FAM118B: variants seen among roughly 807,000 people sequenced by gnomAD.
FAM118B encodes the protein SIR2 antiphage like 1.
A neutral mutation model predicts 38.5 loss-of-function variants in FAM118B; 24 were observed. The observed-to-expected ratio is 0.62, with a 90% confidence interval of 0.45 to 0.88. The LOEUF (loss-of-function observed/expected upper bound fraction) is 0.88. FAM118B is among the 40% of genes least tolerant of loss of function. The pLI, the probability that FAM118B is intolerant of heterozygous loss-of-function variation, is 0.00. For missense variants in FAM118B, 334 were observed against 420.0 expected (o/e 0.80, Z 1.79); for synonymous variants, 138 against 156.3 (o/e 0.88, Z 0.87).
rs936852748 is a variant in FAM118B at position 126,217,139 on chromosome 11, G to T, written c.-77+5309G>T. On this transcript the variant is annotated intron_variant, in intron 1 of 8. Transcript: ENST00000533050. The stretch of plus-strand genomic sequence containing the variant: ...GGGAGCATGCCAACTCCACACAAAC[G>T]GGTAGCCTCAGCCAGGAATCACTTA... 2.0e-5 allele frequency among the ~76,000 whole-genome samples: 3 copies of T among 152,336 alleles called. No individual in the cohort carries two copies. The South Asian group carries it at 6.2e-4, about 32-fold the overall frequency.
chr11:126,262,557 TA>T lies in FAM118B; in HGVS notation c.*428del, dbSNP rs1950723358. ...TTTCAATTAAGCTTAATGGCTTTTT[TA>T]AAACATGACTTGAAGCTCTAGTTTT... On this transcript the variant is annotated 3_prime_UTR_variant, in exon 9 of 9. Coordinates refer to ENST00000533050, the MANE Select transcript of FAM118B (RefSeq NM_024556.4). The T allele has an allele frequency of 5.6e-6, 1 of 177,028 alleles. No homozygotes were observed. The highest frequency in any genetic ancestry group is 1.2e-5 in the Non-Finnish European group (1 of 84,732). 11.0% of individuals were successfully genotyped at this position (177,028 alleles called of 1,614,324 possible).
rs111707058 is a variant in FAM118B, at chr11:126,216,120, A to T, written c.-77+4290A>T. 3.1e-3 allele frequency among the ~76,000 whole-genome samples: 475 copies of T among 152,334 alleles called. 2 individuals are homozygous for T. The highest frequency in any genetic ancestry group is 0.011 in the African/African-American group (457 of 41,572). Reference sequence around the variant, plus strand: ...GCCAGGTCCAGTGGCTCATACCTGTAATCCCAGCACTTTGGGAGGCTGAGG... The same window carrying T: ...GCCAGGTCCAGTGGCTCATACCTGTTATCCCAGCACTTTGGGAGGCTGAGG... On this transcript the variant is annotated intron_variant, in intron 1 of 8. Coordinates refer to ENST00000533050, the MANE Select transcript of FAM118B (RefSeq NM_024556.4).
intron 3 of FAM118B, among the ~76,000 whole-genome samples, chr11:126,235,418 TG>T: frequency 6.6e-6 from 1 of 152,182 alleles, no homozygotes; most frequent in East Asian, 1.9e-4. Context: ...TTTCTGAGTA[TG>T]GAATATAAGG....
At chr11:126,233,823 C>T in intron 2 of FAM118B, 1 of 428,426 alleles carries the variant, frequency 2.3e-6, no homozygotes, top group Non-Finnish European at 4.6e-6. Flanking sequence ...TGGCTCATGC[C>T]TGTAATCCCA....
At chr11:126,213,475 C>T (rs1949920427) in intron 1 of FAM118B, among the ~76,000 whole-genome samples, 2 of 152,146 alleles carry the variant, frequency 1.3e-5, no homozygotes, top group South Asian at 2.1e-4. Context: ...GAAATTCCAC[C>T]CTAAAAGAAT....
chr11:126,229,164 A>G (rs991767630), intron 1 of FAM118B, 61 bp from the exon 2 acceptor site: 3 of 152,138 alleles, frequency 2.0e-5, no homozygotes, highest in Admixed American at 6.6e-5. Flanking sequence ...TACTTGATCT[A>G]TGGGAAATAT....
At position 126,262,350 on chromosome 11, in the gene FAM118B, A is replaced by C; in HGVS notation, c.*217A>C. The C allele has an allele frequency of 1.0e-4, 52 of 513,434 alleles. No homozygotes were observed. The highest frequency in any genetic ancestry group is 4.1e-4 in the Middle Eastern group (1 of 2,420). The allele number at this position is 513,434 out of a possible 1,614,324, so 31.8% of individuals were successfully genotyped here. A position where few individuals can be genotyped will look rare whatever the true frequency, so the allele number is the denominator to read the frequency against. On this transcript the variant is annotated 3_prime_UTR_variant, in exon 9 of 9. Coordinates refer to ENST00000533050, the MANE Select transcript of FAM118B (RefSeq NM_024556.4). ...CCGCCTGTTCAAGTTCAAGAATAAA[A>C]GCGACAGCAGGACCCAAATGCAGCT...
intron 4 of FAM118B, among the ~76,000 whole-genome samples, chr11:126,246,555 C>T (rs1469594346): frequency 6.6e-6 from 1 of 152,152 alleles, no homozygotes; most frequent in Non-Finnish European, 1.5e-5. Flanking sequence ...AGTTGATGCA[C>T]TAGAAATGTT....
intron 1 of FAM118B, among the ~76,000 whole-genome samples, chr11:126,223,140 G>A (rs528760484): frequency 7.2e-5 from 11 of 152,014 alleles, no homozygotes; most frequent in Non-Finnish European, 1.3e-4. Flanking sequence ...AGGCCTGTGC[G>A]CCTCAAGAGC....
intron 1 of FAM118B, among the ~76,000 whole-genome samples, chr11:126,224,372 G>A (rs1318724914): frequency 6.6e-6 from 1 of 150,808 alleles, no homozygotes; most frequent in Non-Finnish European, 1.5e-5. Flanking sequence ...GCACTAGGAG[G>A]CTAAGATGGG....
Position 126,252,863 on chromosome 11 carries a change from C to T in FAM118B, c.568-1442C>T, listed in dbSNP as rs543180567. Among the ~76,000 whole-genome samples, 33 of 152,156 alleles carry T rather than the reference C, an allele frequency of 2.2e-4. No individual in the cohort carries two copies. The highest frequency in any genetic ancestry group is 6.7e-4 in the African/African-American group (28 of 41,512). On this transcript the variant is annotated intron_variant, in intron 5 of 8. Transcript: ENST00000533050. This position sits in a 1 kb window ranked among gnomAD's most constrained non-coding sequence, Gnocchi z 4.7. ...CAGCCTGTCCAACATGGTGAAACCC[C>T]GTCTTTACTAAGAATACAAAAACTA... is the stretch of plus-strand genomic sequence containing the variant.
intron 2 of FAM118B, among the ~76,000 whole-genome samples, chr11:126,231,777 G>GA (rs1308687230): frequency 7.9e-5 from 12 of 152,196 alleles, no homozygotes; most frequent in Non-Finnish European, 1.8e-4. Context: ...GGCAGAAATA[G>GA]AATCCAGCAA....
At chr11:126,236,523 T>C (rs577064193) in intron 3 of FAM118B, among the ~76,000 whole-genome samples, 55 of 152,320 alleles carry the variant, frequency 3.6e-4, no homozygotes, top group African/African-American at 1.3e-3. Context: ...TAAGGATCAT[T>C]ATTTTATTCT....
chr11:126,214,501 T>C (rs1425837516), intron 1 of FAM118B: 2 of 89,892 alleles, frequency 2.2e-5, no homozygotes, highest in South Asian at 4.8e-4. Flanking sequence ...TTTTTTTTTT[T>C]TGTTTTTTTT....
chr11:126,214,065 G>T (rs1949930517), intron 1 of FAM118B, among the ~76,000 whole-genome samples: 1 of 152,140 alleles, frequency 6.6e-6, no homozygotes, highest in Non-Finnish European at 1.5e-5. Flanking sequence ...AAGAATTTAT[G>T]TGGCCGGGCG....
At chr11:126,248,357 A>ATTTTT (rs1565336951) in intron 4 of FAM118B, among the ~76,000 whole-genome samples, 13 of 23,732 alleles carry the variant, frequency 5.5e-4, no homozygotes, top group African/African-American at 1.7e-3. Context: ...ATAGTAGTTG[A>ATTTTT]CTTTTTTTTT....
At chr11:126,240,122 A>G (rs190651709) in intron 3 of FAM118B, among the ~76,000 whole-genome samples, 35 of 152,360 alleles carry the variant, frequency 2.3e-4, no homozygotes, top group Admixed American at 4.6e-4. Context: ...GCTGTCTCAC[A>G]TATGGGCCTC....
At position 126,250,236 on chromosome 11, in the gene FAM118B, C is replaced by T. The variant is rs531495800; in HGVS notation, c.340-270C>T. Among the ~76,000 whole-genome samples, 3 of 152,006 alleles carry T rather than the reference C, an allele frequency of 2.0e-5. No individual in the cohort carries two copies. Among genetic ancestry groups the T allele is most frequent in the South Asian group, 2.1e-4 (1 of 4,814 alleles). On this transcript the variant is annotated intron_variant, in intron 4 of 8. Coordinates refer to ENST00000533050, the MANE Select transcript of FAM118B (RefSeq NM_024556.4). The surrounding 1 kb of genome is among the most constrained non-coding windows in gnomAD (Gnocchi z 5.1). The stretch of plus-strand genomic sequence containing the variant: ...CCTCCCAAGTAGCTGGGACTACAGG[C>T]GCCTGTCACCACGCCCTGCTAATTT...
At chr11:126,233,246 C>T (rs969620718) in intron 2 of FAM118B, among the ~76,000 whole-genome samples, 19 of 152,250 alleles carry the variant, frequency 1.2e-4, no homozygotes, top group East Asian at 7.7e-4. Flanking sequence ...GAGGCTGAGG[C>T]GGGCGGATCA....
Sources: gnomAD v4.1 joint callset for allele counts (sites outside exome capture counted in the v4.1 genomes callset) on GRCh38, gnomAD v4.1.1 for gene constraint, Gnocchi (gnomAD v3.1) non-coding constraint, MANE v1.5 for transcripts, NCBI Gene and HGNC (gene_info 2026-07-23, HGNC 2026-07-21) for gene names.